The following DNAH8 variants were observed in gnomAD, a reference collection of about 807,000 sequenced individuals.
DNAH8 encodes the protein dynein axonemal heavy chain 8.
Under a neutral mutation model 562.1 loss-of-function variants are expected in DNAH8, and 382 were observed. The observed-to-expected ratio is 0.68, with a 90% CI of 0.63 to 0.74. DNAH8 has a LOEUF of 0.74. Among genes scored for constraint, DNAH8 ranks in the 30% least tolerant of loss-of-function variants. The probability of loss-of-function intolerance (pLI) is 0.00; values close to 1 mark genes in which losing one functional copy is unlikely to be tolerated. For synonymous variants in DNAH8, 1,881 were observed against 1,919.4 expected, an observed-to-expected ratio of 0.98 and a Z score of 0.52; for missense variants, 5,203 against 5,620.4, an observed-to-expected ratio of 0.93 and a Z score of 2.37.
chr6:38,973,245 A>G (rs1468745528), intron 83 of DNAH8, among the ~76,000 whole-genome samples: 2 of 152,212 alleles, frequency 1.3e-5, no homozygotes, highest in African/African-American at 2.4e-5. Context: ...GATCATGTGT[A>G]TCTTTCTTTG....
At chr6:38,858,065 C>T (rs1450966987) in intron 42 of DNAH8, among the ~76,000 whole-genome samples, 7 of 152,152 alleles carry the variant, frequency 4.6e-5, no homozygotes, top group East Asian at 1.9e-4. Flanking sequence ...ACAGATGGAA[C>T]GGAATCAGGC....
At chr6:38,812,542 A>G (rs996383055) in intron 24 of DNAH8, among the ~76,000 whole-genome samples, 3 of 152,178 alleles carry the variant, frequency 2.0e-5, no homozygotes, top group Non-Finnish European at 4.4e-5. Context: ...AGGCTGCTCC[A>G]TTGGCTTCTT....
intron 88 of DNAH8, among the ~76,000 whole-genome samples, chr6:39,004,852 G>A (rs146953134): frequency 2.1e-4 from 32 of 152,222 alleles, no homozygotes; most frequent in African/African-American, 6.0e-4. Flanking sequence ...ATGTTGTAGC[G>A]TATATTAATA....
chr6:38,778,509 T>A, intron 14 of DNAH8, 45 bp downstream of exon 14: 1 of 1,144,564 alleles, frequency 8.7e-7, no homozygotes, highest in Non-Finnish European at 1.3e-6. Context: ...GGGGAATAAC[T>A]TTAAATCTAA....
Position 38,945,553 on chromosome 6 carries a change from A to G in DNAH8, c.12094A>G (p.Ser4032Gly), listed in dbSNP as rs778944130. The change falls in exon 80 of 93, where the codon AGT becomes GGT. Residue 4032 changes from serine to glycine, a missense_variant. By Grantham distance (56) the Ser-to-Gly change is moderately conservative. Around this residue, in one of 6 missense-constraint regions of DNAH8, gnomAD observed 1,399 missense variants for 1,518.4 expected, o/e 0.92. Coordinates refer to ENST00000327475, the MANE Select transcript of DNAH8 (RefSeq NM_001206927.2). ...GACTTGGCTGAATCTTGTGGAGCTG[A>G]GTAAACTTCCACAATTTGCAGAAAT... ...DMTWLNLVEL[S>G]KLPQFAEIMN... 1.2e-6 allele frequency: 2 copies of G among 1,614,178 alleles called. No individual in the cohort carries two copies. The highest frequency in any genetic ancestry group is 1.7e-6 in the Non-Finnish European group (2 of 1,180,020).
intron 52 of DNAH8, among the ~76,000 whole-genome samples, chr6:38,875,120 C>G (rs1777896054): frequency 6.6e-6 from 1 of 152,184 alleles, no homozygotes; most frequent in Non-Finnish European, 1.5e-5. Flanking sequence ...ATGAGTGTGA[C>G]TGTGTGTGTG....
intron 11 of DNAH8, among the ~76,000 whole-genome samples, chr6:38,767,606 C>T (rs943713575): frequency 1.3e-5 from 2 of 152,166 alleles, no homozygotes; most frequent in African/African-American, 2.4e-5. Context: ...TTTTCATCTA[C>T]GTTCTAGCAT....
intron 43 of DNAH8, 55 bp downstream of exon 43, chr6:38,860,684 T>A: frequency 8.1e-7 from 1 of 1,233,952 alleles, no homozygotes; most frequent in Non-Finnish European, 1.1e-6. Context: ...TGCATAACAT[T>A]ATTTATAGTT....
At chr6:38,966,274 A>G (rs911569566) in intron 82 of DNAH8, among the ~76,000 whole-genome samples, 3 of 152,214 alleles carry the variant, frequency 2.0e-5, no homozygotes, top group Non-Finnish European at 4.4e-5. Flanking sequence ...AGAAATAACT[A>G]TTGAAACTGA....
chr6:38,787,305 T>C (rs1314782499), intron 18 of DNAH8, among the ~76,000 whole-genome samples: 1 of 151,908 alleles, frequency 6.6e-6, no homozygotes, highest in Non-Finnish European at 1.5e-5. Flanking sequence ...TAAAGTGGGG[T>C]GACTATACAA....
At chr6:38,802,641 G>A (rs563368077) in intron 21 of DNAH8, among the ~76,000 whole-genome samples, 50 of 152,208 alleles carry the variant, frequency 3.3e-4, no homozygotes, top group African/African-American at 1.2e-3. Context: ...CTCTTTCTGA[G>A]CCTCAGTTTT....
At position 38,921,325 on chromosome 6, in the gene DNAH8, T is replaced by G. The variant is rs1340150913; in HGVS notation, c.10525-44T>G. On this transcript the variant is annotated intron_variant, in intron 70 of 92. Coordinates refer to ENST00000327475, the MANE Select transcript of DNAH8 (RefSeq NM_001206927.2). ...GTTATCTACCAGTTACAATCATGAC[T>G]GTTTCATGCAGCTAATACACTAACC... The G allele has an allele frequency of 1.9e-6, 3 of 1,591,716 alleles. No homozygotes were observed. In the Admixed American group the frequency reaches 5.4e-5, roughly 29 times the overall value.
chr6:38,997,717 C>T (rs1364532645), intron 88 of DNAH8, among the ~76,000 whole-genome samples: 2 of 152,128 alleles, frequency 1.3e-5, no homozygotes, highest in Non-Finnish European at 2.9e-5. Flanking sequence ...ATCTGACCAT[C>T]CATGGTGTTC....
intron 33 of DNAH8, among the ~76,000 whole-genome samples, chr6:38,839,444 C>G (rs1774587422): frequency 6.6e-6 from 1 of 151,252 alleles, no homozygotes; most frequent in Admixed American, 6.6e-5. Flanking sequence ...CACTCGACTT[C>G]CGTAGTTCAA....
In DNAH8 at chr6:38,923,997, A is replaced by T. The variant is rs558716283; in HGVS notation, c.10797A>T (p.Val3599=). ...CTGTGTGTTTTCTTCACAGACTTGTAGGTGATATTCTGCTGTGCACGGGAT... is the reference window on the plus strand; with the variant it reads ...CTGTGTGTTTTCTTCACAGACTTGTTGGTGATATTCTGCTGTGCACGGGAT... The part of the protein sequence containing the change: ...KEFKAQINRL[V]GDILLCTGFL... The change falls in exon 73 of 93, where the codon GTA becomes GTT. Residue 3599 remains valine (V), a synonymous_variant. Coordinates refer to ENST00000327475, the MANE Select transcript of DNAH8 (RefSeq NM_001206927.2). 2.5e-6 allele frequency: 4 copies of T among 1,613,934 alleles called. No individual in the cohort carries two copies. Among genetic ancestry groups the T allele is most frequent in the South Asian group, 2.2e-5 (2 of 91,056 alleles).
At chr6:38,725,336 T>TAATAAA (rs1283259746) in intron 3 of DNAH8, among the ~76,000 whole-genome samples, 5 of 148,966 alleles carry the variant, frequency 3.4e-5, no homozygotes, top group Admixed American at 1.4e-4. Context: ...ATAATAATAA[T>TAATAAA]AAAGAGCTAC....
rs149174251 is a variant in DNAH8, at chr6:38,817,078, C to T, written c.3523+1421C>T. On this transcript the variant is annotated intron_variant, in intron 26 of 92. Coordinates refer to ENST00000327475, the MANE Select transcript of DNAH8 (RefSeq NM_001206927.2). ...CCAGGTAAGGCCCAGTGTGGTGGCT[C>T]ACGTCTGTAATCCCAACATTTTGGG... Among the ~76,000 whole-genome samples, 150 of 152,264 alleles carry T rather than the reference C, an allele frequency of 9.9e-4. 3 individuals carry two copies. The East Asian group carries it at 0.017, about 17-fold the overall frequency.
chr6:38,829,902 T>C (rs1005418090), intron 30 of DNAH8, among the ~76,000 whole-genome samples: 1 of 152,188 alleles, frequency 6.6e-6, no homozygotes, highest in East Asian at 1.9e-4. Context: ...AAACAACAAC[T>C]CTCCATTTTC....
At chr6:38,764,676 T>G (rs1766831709) in intron 11 of DNAH8, 1 of 152,234 alleles carries the variant, frequency 6.6e-6, no homozygotes, top group Non-Finnish European at 1.5e-5. Context: ...AACTGCTGAA[T>G]GCAAATGGAG....
Sources: allele counts gnomAD v4.1 joint callset (sites outside exome capture counted in the v4.1 genomes callset), GRCh38; gene constraint gnomAD v4.1.1; regional missense constraint gnomAD v4.1.1; transcripts MANE v1.5; gene names NCBI Gene and HGNC (gene_info 2026-07-23, HGNC 2026-07-21).